PRIMA1: variants seen among roughly 807,000 people sequenced by gnomAD.
PRIMA1 encodes proline-rich membrane anchor 1.
Under a neutral mutation model 17.5 loss-of-function variants are expected in PRIMA1, and 7 were observed. That is an observed-to-expected ratio of 0.40 (90% CI 0.23 to 0.75). The LOEUF (loss-of-function observed/expected upper bound fraction) is 0.75, where lower values mean the gene tolerates loss of function less well. Ranked by LOEUF, PRIMA1 falls within the 30% of genes least tolerant of loss-of-function variation. The pLI is 0.37. For missense variants in PRIMA1, 200 were observed against 201.8 expected (o/e 0.99, Z 0.05); for synonymous variants, 97 against 77.9 (o/e 1.25, Z -1.29).
chr14:93,753,611 T>A (rs969096658), intron 3 of PRIMA1, among the ~76,000 whole-genome samples: 1 of 152,128 alleles, frequency 6.6e-6, no homozygotes, highest in Admixed American at 6.5e-5. Context: ...AACCAATGGA[T>A]GTTGCTCACT....
chr14:93,770,124 A>G (rs902588535), intron 3 of PRIMA1, among the ~76,000 whole-genome samples: 1 of 151,770 alleles, frequency 6.6e-6, no homozygotes, highest in Non-Finnish European at 1.5e-5. Context: ...AGGGCGTGAC[A>G]CCTCCTCTTG....
chr14:93,725,320 T>TCTG (rs2076067945), intron 4 of PRIMA1, among the ~76,000 whole-genome samples: 1 of 151,250 alleles, frequency 6.6e-6, no homozygotes, highest in Non-Finnish European at 1.5e-5. Flanking sequence ...ATGGTCATGA[T>TCTG]CTGCTCCCCT....
At chr14:93,755,017 A>C (rs1331332539) in intron 3 of PRIMA1, among the ~76,000 whole-genome samples, 5 of 152,178 alleles carry the variant, frequency 3.3e-5, no homozygotes, top group Non-Finnish European at 7.3e-5. Context: ...AGGTCTCGAA[A>C]GCTCTCTGGG....
chr14:93,738,076 T>TG (rs981339901), intron 3 of PRIMA1, among the ~76,000 whole-genome samples: 4 of 152,050 alleles, frequency 2.6e-5, no homozygotes, highest in African/African-American at 9.7e-5. Flanking sequence ...ATTCAGCCCG[T>TG]GGGGTGGGTA....
chr14:93,724,069 G>A (rs2076059779), intron 4 of PRIMA1, among the ~76,000 whole-genome samples: 2 of 152,056 alleles, frequency 1.3e-5, no homozygotes, highest in South Asian at 4.2e-4. Flanking sequence ...ATTTTTTGTA[G>A]AGACAGGGTC....
rs1885557033 is a variant in PRIMA1, at chr14:93,787,517, G to A, written c.93+109C>T. On this transcript the variant is annotated intron_variant, in intron 2 of 4. Coordinates refer to ENST00000393140, the MANE Select transcript of PRIMA1 (RefSeq NM_178013.4). ...CTTTTCTTTTCCCAAGCTCTTCCGA[G>A]AACCAATCAGTGGGGTGGCTGCAAG... 12 of 1,469,618 alleles carry A rather than the reference G, an allele frequency of 8.2e-6. No individual in the cohort carries two copies. The East Asian group carries it at 3.0e-4, about 36-fold the overall frequency. The allele number at this position is 1,469,618 out of a possible 1,614,324, so 91.0% of individuals were successfully genotyped here. A position where few individuals can be genotyped will look rare whatever the true frequency, so the allele number is the denominator to read the frequency against.
chr14:93,765,537 G>A (rs1308135695), intron 3 of PRIMA1, among the ~76,000 whole-genome samples: 1 of 151,176 alleles, frequency 6.6e-6, no homozygotes, highest in Non-Finnish European at 1.5e-5. Context: ...TATTCCTTTT[G>A]ACCCTCTCAT....
chr14:93,755,249 G>A (rs1468141833), intron 3 of PRIMA1, among the ~76,000 whole-genome samples: 1 of 152,176 alleles, frequency 6.6e-6, no homozygotes, highest in African/African-American at 2.4e-5. Context: ...TATCCTGAGT[G>A]CGAGCACCCT....
chr14:93,779,456 T>C, intron 2 of PRIMA1, 145 bp from the exon 3 acceptor site: 2 of 676,950 alleles, frequency 3.0e-6, no homozygotes, highest in Non-Finnish European at 4.7e-6. Context: ...TCAACAGAAG[T>C]CGGATTGGTT....
At chr14:93,729,527 T>A (rs1186545126) in intron 4 of PRIMA1, among the ~76,000 whole-genome samples, 1 of 152,128 alleles carries the variant, frequency 6.6e-6, no homozygotes, top group Non-Finnish European at 1.5e-5. Flanking sequence ...AAGTTTGTGG[T>A]GAGTTGAGGG....
chr14:93,738,017 C>T (rs957273295), intron 3 of PRIMA1, among the ~76,000 whole-genome samples: 3 of 152,128 alleles, frequency 2.0e-5, no homozygotes, highest in East Asian at 1.9e-4. Flanking sequence ...TGCCAATGTC[C>T]GTTTCTTGAG....
At chr14:93,748,023 G>A (rs1022157535) in intron 3 of PRIMA1, among the ~76,000 whole-genome samples, 6 of 135,734 alleles carry the variant, frequency 4.4e-5, no homozygotes, top group African/African-American at 1.5e-4. Context: ...TGTGAGAGTG[G>A]GGGACTGTGT....
intron 4 of PRIMA1, among the ~76,000 whole-genome samples, chr14:93,734,895 T>C (rs141830198): frequency 1.8e-4 from 28 of 152,234 alleles, no homozygotes; most frequent in African/African-American, 6.7e-4. Flanking sequence ...GGCCCCTCTA[T>C]AGCTGCTCTG....
intron 4 of PRIMA1, chr14:93,725,994 G>T: frequency 2.2e-6 from 1 of 456,574 alleles, no homozygotes; most frequent in Non-Finnish European, 4.4e-6. Flanking sequence ...GGGCTCCCTA[G>T]ATGGCATGGT....
At chr14:93,782,459 T>A (rs893280758) in intron 2 of PRIMA1, among the ~76,000 whole-genome samples, 4 of 143,188 alleles carry the variant, frequency 2.8e-5, no homozygotes, top group South Asian at 4.3e-4. Flanking sequence ...TCTCTACAAA[T>A]TTTTTTTTTT....
rs150585576 is a variant in PRIMA1, at chr14:93,764,097, C to T, written c.229+15079G>A. Among the ~76,000 whole-genome samples the T allele has an allele frequency of 2.2e-3, 333 of 152,026 alleles. 4 individuals are homozygous for T. The highest frequency in any genetic ancestry group is 0.02 in the South Asian group (98 of 4,792). On this transcript the variant is annotated intron_variant, in intron 3 of 4. Coordinates refer to ENST00000393140, the MANE Select transcript of PRIMA1 (RefSeq NM_178013.4). ...GTCCTGAAGGTTCTCAAACTCCCAC[C>T]CTTCTAACCCCCCAGCACTGCCTGG...
At chr14:93,727,820 A>G (rs1440888948) in intron 4 of PRIMA1, among the ~76,000 whole-genome samples, 1 of 152,194 alleles carries the variant, frequency 6.6e-6, no homozygotes, top group Non-Finnish European at 1.5e-5. Flanking sequence ...TGCTGTCACA[A>G]AAGGCCTTCA....
chr14:93,733,552 C>T (rs980773743), intron 4 of PRIMA1, among the ~76,000 whole-genome samples: 14 of 152,166 alleles, frequency 9.2e-5, no homozygotes, highest in East Asian at 1.9e-4. Flanking sequence ...GTCACCTCCT[C>T]CCTGACCTAC....
chr14:93,748,334 G>C (rs1173384618), intron 3 of PRIMA1, among the ~76,000 whole-genome samples: 1 of 152,166 alleles, frequency 6.6e-6, no homozygotes, highest in Non-Finnish European at 1.5e-5. Context: ...GCCAACCTGT[G>C]ACGGCTGCAT....
Sources: gnomAD v4.1 joint callset for allele counts (sites outside exome capture counted in the v4.1 genomes callset) on GRCh38, gnomAD v4.1.1 for gene constraint, MANE v1.5 for transcripts, NCBI Gene and HGNC (gene_info 2026-07-23, HGNC 2026-07-21) for gene names.